CNTN3: variants seen among roughly 807,000 people sequenced by gnomAD.
CNTN3 encodes the protein contactin 3.
A neutral mutation model predicts 119.1 loss-of-function variants in CNTN3; 60 were observed. The ratio of observed to expected loss-of-function variants is 0.50; its 90% CI spans 0.41 to 0.62. The LOEUF is 0.62. Ranked by LOEUF, CNTN3 falls within the 20% of genes least tolerant of loss-of-function variation. The probability of loss-of-function intolerance (pLI) is 0.00; values close to 1 mark genes in which losing one functional copy is unlikely to be tolerated. For synonymous variants in CNTN3, 450 were observed against 438.7 expected, an observed-to-expected ratio of 1.03 and a Z score of -0.32; for missense variants, 1,101 against 1,242.4, an observed-to-expected ratio of 0.89 and a Z score of 1.71.
At chr3:74,514,165 T>C (rs1048377250) in intron 2 of CNTN3, among the ~76,000 whole-genome samples, 2 of 152,078 alleles carry the variant, frequency 1.3e-5, no homozygotes, top group African/African-American at 4.8e-5. Flanking sequence ...CACATGTGCA[T>C]AGTGAGATCA....
intron 1 of CNTN3, among the ~76,000 whole-genome samples, chr3:74,581,169 C>T (rs58548510): frequency 6.6e-6 from 1 of 151,980 alleles, no homozygotes; most frequent in Non-Finnish European, 1.5e-5. Context: ...AAAAGGCATT[C>T]AGATGGAAAA....
chr3:74,484,458 C>T (rs918835194), intron 4 of CNTN3, among the ~76,000 whole-genome samples: 4 of 151,828 alleles, frequency 2.6e-5, no homozygotes, highest in African/African-American at 4.8e-5. Context: ...AAAAAGAAAT[C>T]CAATATAGAT....
chr3:74,316,395 A>C (rs1230258637), intron 13 of CNTN3, among the ~76,000 whole-genome samples: 1 of 152,206 alleles, frequency 6.6e-6, no homozygotes, highest in African/African-American at 2.4e-5. Flanking sequence ...GTGGGAATGT[A>C]AATTAGTACA....
At chr3:74,567,266 G>C (rs1409030420) in intron 1 of CNTN3, among the ~76,000 whole-genome samples, 1 of 150,902 alleles carries the variant, frequency 6.6e-6, no homozygotes, top group East Asian at 1.9e-4. Context: ...TGTGCCTCCT[G>C]AGTGGCTGGG....
At chr3:74,453,532 C>T (rs1169829254) in intron 4 of CNTN3, among the ~76,000 whole-genome samples, 2 of 152,072 alleles carry the variant, frequency 1.3e-5, no homozygotes, top group Non-Finnish European at 1.5e-5. Context: ...CTGCTCTCAT[C>T]TTAGTTATTT....
chr3:74,366,156 C>T (rs1225287150), intron 8 of CNTN3, among the ~76,000 whole-genome samples: 2 of 151,944 alleles, frequency 1.3e-5, no homozygotes, highest in Non-Finnish European at 2.9e-5. Context: ...AGAGAAACTG[C>T]TACAGCCGAG....
At chr3:74,410,408 A>G (rs1701418508) in intron 5 of CNTN3, among the ~76,000 whole-genome samples, 1 of 152,216 alleles carries the variant, frequency 6.6e-6, no homozygotes, top group Non-Finnish European at 1.5e-5. Context: ...TGGCAATAAT[A>G]AGTGTGTGCT....
intron 1 of CNTN3, among the ~76,000 whole-genome samples, chr3:74,593,331 A>G (rs1295531517): frequency 1.3e-5 from 2 of 151,920 alleles, no homozygotes; most frequent in African/African-American, 2.4e-5. Flanking sequence ...TATTTTCTCT[A>G]TTGTTTCGTA....
chr3:74,292,143 T>C (rs1330278428), intron 19 of CNTN3, among the ~76,000 whole-genome samples: 1 of 152,194 alleles, frequency 6.6e-6, no homozygotes, highest in Non-Finnish European at 1.5e-5. Context: ...TTTGGCATAA[T>C]CCCTTGAGTT....
intron 6 of CNTN3, among the ~76,000 whole-genome samples, chr3:74,370,786 T>C (rs546584732): frequency 1.3e-5 from 2 of 152,254 alleles, no homozygotes; most frequent in Non-Finnish European, 2.9e-5. Flanking sequence ...TAGTGATGAT[T>C]TTTAGCCTAT....
chr3:74,267,616 C>A, intron 20 of CNTN3: 1 of 426,360 alleles, frequency 2.3e-6, no homozygotes, highest in Non-Finnish European at 4.3e-6. Context: ...ATGTAACAAA[C>A]CTGCACATGT....
Position 74,334,730 on chromosome 3 carries a change from C to T in CNTN3, c.1668+5G>A. On this transcript the variant is annotated splice_donor_5th_base_variant and intron_variant, in intron 13 of 22. Transcript: ENST00000263665. ...AAAAAGTATGAGGAAAGTGCCACAA[C>T]TTACCCCACCAACTTTCTCAAAGTG... The T allele has an allele frequency of 6.2e-7, 1 of 1,612,346 alleles. No individual in the cohort carries two copies. Among genetic ancestry groups the T allele is most frequent in the Non-Finnish European group, 8.5e-7 (1 of 1,178,988 alleles).
At chr3:74,578,799 T>A (rs1378437378) in intron 1 of CNTN3, among the ~76,000 whole-genome samples, 2 of 152,060 alleles carry the variant, frequency 1.3e-5, no homozygotes, top group Non-Finnish European at 2.9e-5. Context: ...ATCACTTTCA[T>A]TAGTGAATTA....
intron 1 of CNTN3, among the ~76,000 whole-genome samples, chr3:74,589,021 A>G (rs1484721783): frequency 3.3e-5 from 5 of 151,810 alleles, no homozygotes; most frequent in African/African-American, 1.2e-4. Flanking sequence ...AAACCTAGGC[A>G]TTACCATTCA....
chr3:74,363,136 CTT>C (rs1380695655), intron 10 of CNTN3, among the ~76,000 whole-genome samples: 1 of 152,086 alleles, frequency 6.6e-6, no homozygotes, highest in Non-Finnish European at 1.5e-5. Flanking sequence ...CAAGTTAAGA[CTT>C]ATATGCAAAC....
At chr3:74,358,593 T>TTTTGA (rs1328292594) in intron 11 of CNTN3, among the ~76,000 whole-genome samples, 3 of 98,664 alleles carry the variant, frequency 3.0e-5, no homozygotes, top group African/African-American at 2.1e-4. Context: ...TTTTTTTTTT[T>TTTTGA]TTGATTTATT....
At chr3:74,470,797 T>C (rs1702545587) in intron 4 of CNTN3, among the ~76,000 whole-genome samples, 1 of 152,196 alleles carries the variant, frequency 6.6e-6, no homozygotes, top group Non-Finnish European at 1.5e-5. Flanking sequence ...GGTCTTCCAA[T>C]GTTGCTGTGA....
At chr3:74,380,238 A>C (rs1428566770) in intron 5 of CNTN3, among the ~76,000 whole-genome samples, 2 of 152,254 alleles carry the variant, frequency 1.3e-5, no homozygotes, top group Non-Finnish European at 2.9e-5. Flanking sequence ...TCAACACTGG[A>C]CATTTCACTG....
chr3:74,266,391 A>T (rs1701660292), intron 22 of CNTN3, 90 bp downstream of exon 22: 11 of 1,303,662 alleles, frequency 8.4e-6, no homozygotes, highest in Non-Finnish European at 1.2e-5. Flanking sequence ...TGCTGGAAAG[A>T]AAGAATGGAC....
Sources: gnomAD v4.1 joint callset for allele counts (sites outside exome capture counted in the v4.1 genomes callset) on GRCh38, gnomAD v4.1.1 for gene constraint, MANE v1.5 for transcripts, NCBI Gene and HGNC (gene_info 2026-07-23, HGNC 2026-07-21) for gene names.